PISD: variants seen among roughly 807,000 people sequenced by gnomAD.
The protein encoded by PISD is phosphatidylserine decarboxylase.
PISD carries 31 observed loss-of-function variants against 43.5 expected under a neutral mutation model. That is an observed-to-expected ratio of 0.71 (90% CI 0.54 to 0.96). The LOEUF is 0.96. PISD is among the 40% of genes least tolerant of loss of function. The pLI is 0.00. For synonymous variants in PISD, 259 were observed against 228.7 expected, an observed-to-expected ratio of 1.13 and a Z score of -1.20; for missense variants, 523 against 548.4, an observed-to-expected ratio of 0.95 and a Z score of 0.46.
intron 3 of PISD, among the ~76,000 whole-genome samples, chr22:31,634,447 G>C (rs1193954837): frequency 6.6e-6 from 1 of 152,222 alleles, no homozygotes; most frequent in Non-Finnish European, 1.5e-5. Flanking sequence ...CCTGCAAGAT[G>C]TCCCGGATAC....
intron 3 of PISD, chr22:31,627,894 G>A (rs2072994439): frequency 2.9e-6 from 1 of 344,290 alleles, no homozygotes; most frequent in Non-Finnish European, 4.1e-6. Context: ...GGGCCCTACT[G>A]AGGAATCAAG....
chr22:31,635,378 C>T (rs1356784499), intron 3 of PISD, among the ~76,000 whole-genome samples: 1 of 152,068 alleles, frequency 6.6e-6, no homozygotes, highest in African/African-American at 2.4e-5. Context: ...TCTTGGCTCA[C>T]CACAACCTCT....
In PISD at chr22:31,619,684, G is replaced by A. The variant is rs771982258; in HGVS notation, c.1158C>T (p.Ala386=). Residue 386 remains alanine, a synonymous_variant, in exon 8 of 8, where the codon GCC becomes GCT. Coordinates refer to ENST00000439502, the MANE Select transcript of PISD (RefSeq NM_001326411.2). ...TCAGCTGGAAATTGAAGTCCTTGGG[G>A]GCCTCGAAGATGAGCACGATGGTGG... is the stretch of plus-strand genomic sequence containing the variant. ...LGSTIVLIFE[A]PKDFNFQLKT... 6.8e-6 allele frequency: 11 copies of A among 1,614,208 alleles called. No homozygotes were observed. Among genetic ancestry groups the A allele is most frequent in the African/African-American group, 2.7e-5 (2 of 75,052 alleles).
chr22:31,619,944 C>T, intron 7 of PISD, 108 bp from the exon 8 acceptor site: 1 of 721,170 alleles, frequency 1.4e-6, no homozygotes, highest in Non-Finnish European at 2.3e-6. Context: ...CCCACCACCA[C>T]CCAACCCAGC....
intron 3 of PISD, among the ~76,000 whole-genome samples, chr22:31,633,795 T>G (rs563679566): frequency 6.6e-6 from 1 of 152,272 alleles, no homozygotes; most frequent in South Asian, 2.1e-4. Context: ...CTACCCCACC[T>G]TCCAACCAGA....
chr22:31,623,375 CAG>C (rs2072688878), intron 3 of PISD, among the ~76,000 whole-genome samples: 1 of 152,204 alleles, frequency 6.6e-6, no homozygotes, highest in South Asian at 2.1e-4. Context: ...AAATCAGAGA[CAG>C]ACACCATTTT....
intron 3 of PISD, among the ~76,000 whole-genome samples, chr22:31,644,615 T>C (rs930771070): frequency 5.9e-5 from 9 of 152,176 alleles, no homozygotes; most frequent in African/African-American, 2.2e-4. Flanking sequence ...TTTTCATTTG[T>C]GATGACAGTG....
chr22:31,662,309 G>A (rs768883846), upstream of PISD: 160 of 1,253,098 alleles, frequency 1.3e-4, no homozygotes, highest in Middle Eastern at 1.8e-4. Context: ...AGAAAAGCGC[G>A]GGTTGGGGGC....
rs1439137588 is a variant in PISD, at chr22:31,637,154, AAAAAAAAAAAATATATATATATAT to A, written c.321+10923_321+10946del. On this transcript the variant is annotated intron_variant, in intron 3 of 7. Coordinates refer to ENST00000439502, the MANE Select transcript of PISD (RefSeq NM_001326411.2). ...AATAATAAATAAATTAAAAAAAAAA[AAAAAAAAAAAATATATATATATAT>A]ATATATATATATATATATATATATA... Among the ~76,000 whole-genome samples the A allele has an allele frequency of 2.8e-3, 119 of 43,206 alleles. 8 individuals are homozygous for A. The highest frequency in any genetic ancestry group is 0.01 in the African/African-American group (109 of 10,820). 28.3% of individuals were successfully genotyped at this position (43,206 alleles called of 152,430 possible). A position where few individuals can be genotyped will look rare whatever the true frequency, so the allele number is the denominator to read the frequency against.
intron 3 of PISD, among the ~76,000 whole-genome samples, chr22:31,622,851 G>A (rs185767003): frequency 6.6e-6 from 1 of 152,228 alleles, no homozygotes; most frequent in African/African-American, 2.4e-5. Flanking sequence ...CCTGTAATTG[G>A]TGGCTGCTGC....
At chr22:31,646,423 T>A (rs1170282233) in intron 3 of PISD, among the ~76,000 whole-genome samples, 7 of 152,196 alleles carry the variant, frequency 4.6e-5, no homozygotes, top group Non-Finnish European at 7.3e-5. Context: ...CTGTCCTCTT[T>A]ACAACCATCT....
intron 1 of PISD, among the ~76,000 whole-genome samples, chr22:31,661,303 T>G (rs1250314683): frequency 6.6e-6 from 1 of 152,172 alleles, no homozygotes; most frequent in Non-Finnish European, 1.5e-5. Context: ...GCTGACAAAA[T>G]GAACCCTGTA....
chr22:31,620,407 A>G (rs2072476160), intron 7 of PISD, 146 bp downstream of exon 7: 2 of 747,920 alleles, frequency 2.7e-6, no homozygotes, highest in Non-Finnish European at 4.3e-6. Context: ...GGCCATTCTC[A>G]GGACAGCTGC....
intron 1 of PISD, among the ~76,000 whole-genome samples, chr22:31,651,511 G>A (rs2147795469): frequency 6.6e-6 from 1 of 152,066 alleles, no homozygotes; most frequent in African/African-American, 2.4e-5. Flanking sequence ...TTTTTTGGGA[G>A]GCCGAGGCGG....
intron 3 of PISD, among the ~76,000 whole-genome samples, chr22:31,636,911 C>T (rs573784240): frequency 3.2e-4 from 49 of 151,182 alleles, no homozygotes; most frequent in African/African-American, 1.1e-3. Context: ...CTCCTGACCT[C>T]GTGATCCACC....
At chr22:31,625,640 CG>C in intron 3 of PISD, 2 of 1,268,856 alleles carry the variant, frequency 1.6e-6, no homozygotes, top group Non-Finnish European at 1.1e-6. Context: ...CCTCCAGCCT[CG>C]GGGGCTGACC....
chr22:31,628,539 T>G (rs1048595452), intron 3 of PISD, among the ~76,000 whole-genome samples: 6 of 152,148 alleles, frequency 3.9e-5, no homozygotes, highest in African/African-American at 1.4e-4. Context: ...GACTTTAATG[T>G]CACTACATGG....
At chr22:31,638,077 G>A (rs148851294) in intron 3 of PISD, among the ~76,000 whole-genome samples, 1 of 152,338 alleles carries the variant, frequency 6.6e-6, no homozygotes, top group South Asian at 2.1e-4. Flanking sequence ...TGGGCCAGGA[G>A]AGCCTGGCCC....
At chr22:31,638,918 G>A (rs2073603947) in intron 3 of PISD, among the ~76,000 whole-genome samples, 1 of 150,544 alleles carries the variant, frequency 6.6e-6, no homozygotes, top group Admixed American at 6.6e-5. Flanking sequence ...CCTGAGCCTG[G>A]GAGGTCGAGG....
Sources: gnomAD v4.1 joint callset for allele counts (sites outside exome capture counted in the v4.1 genomes callset) on GRCh38, gnomAD v4.1.1 for gene constraint, MANE v1.5 for transcripts, NCBI Gene and HGNC (gene_info 2026-07-23, HGNC 2026-07-21) for gene names.